The following IRF2 variants were observed in gnomAD, a reference collection of about 807,000 sequenced individuals.
The protein encoded by IRF2 is interferon regulatory factor 2.
IRF2 carries 15 observed loss-of-function variants against 40.6 expected under a neutral mutation model. That is an observed-to-expected ratio of 0.37 (90% CI 0.25 to 0.57). The LOEUF (loss-of-function observed/expected upper bound fraction) is 0.57. Ranked by LOEUF, IRF2 falls within the 20% of genes least tolerant of loss-of-function variation. The pLI, the probability that IRF2 is intolerant of heterozygous loss-of-function variation, is 0.77. For missense variants in IRF2, 317 were observed against 455.7 expected (o/e 0.70, Z 2.77); for synonymous variants, 151 against 165.5 (o/e 0.91, Z 0.67).
At chr4:184,429,173 TGGGGCTGGGGACCAG>T in intron 1 of IRF2, 103 bp from the exon 2 acceptor site, 1 of 549,490 alleles carries the variant, frequency 1.8e-6, no homozygotes, top group Non-Finnish European at 3.2e-6. Context: ...TCTCCTTTCC[TGGGGCTGGGGACCAG>T]GGGGCTGGGG....
At position 184,408,030 on chromosome 4, in the gene IRF2, C is replaced by T; in HGVS notation, c.529+128G>A. The T allele has an allele frequency of 1.7e-6, 1 of 596,688 alleles. No individual in the cohort carries two copies. The highest frequency in any genetic ancestry group is 3.0e-6 in the Non-Finnish European group (1 of 330,514). The allele number at this position is 596,688 out of a possible 1,614,324, so 37.0% of individuals were successfully genotyped here. On this transcript the variant is annotated intron_variant, in intron 6 of 8. Coordinates refer to ENST00000393593, the MANE Select transcript of IRF2 (RefSeq NM_002199.4). This position sits in a 1 kb window ranked among gnomAD's most constrained non-coding sequence, Gnocchi z 4.9. ...CAGCCTTGAAATCTGGGGGCTGGAA[C>T]TTGCATTCTGAGATGATTCCAAGAC...
rs113050537 is a variant in IRF2, at chr4:184,410,976, G to T, written c.412-2701C>A. Among the ~76,000 whole-genome samples the T allele has an allele frequency of 7.6e-4, 115 of 152,040 alleles. 1 individual carries two copies. Among genetic ancestry groups the T allele is most frequent in the African/African-American group, 2.7e-3 (111 of 41,478 alleles). On this transcript the variant is annotated intron_variant, in intron 5 of 8. Transcript: ENST00000393593. ...TATGGTTCAATTCCAGGAGCTTTCT[G>T]TCTTAAGAAGCCCTTGTATCCTGCC... is the stretch of plus-strand genomic sequence containing the variant.
At chr4:184,467,512 G>T (rs1739370421) in intron 1 of IRF2, among the ~76,000 whole-genome samples, 1 of 152,126 alleles carries the variant, frequency 6.6e-6, no homozygotes, top group Non-Finnish European at 1.5e-5. Flanking sequence ...AAGGACAAAA[G>T]AATTCTTTCA....
At chr4:184,400,315 C>A (rs1240146524) in intron 6 of IRF2, among the ~76,000 whole-genome samples, 1 of 152,200 alleles carries the variant, frequency 6.6e-6, no homozygotes, top group Non-Finnish European at 1.5e-5. Context: ...TGGACTCATA[C>A]AGTAGACTTT....
chr4:184,473,545 G>A (rs1388478546), intron 1 of IRF2, among the ~76,000 whole-genome samples: 1 of 147,810 alleles, frequency 6.8e-6, no homozygotes, highest in Admixed American at 6.7e-5. Context: ...TGGCCGGCGG[G>A]AAGGAGGACG....
In IRF2 at chr4:184,388,673, G is replaced by T; in HGVS notation, c.*85C>A. 7.5e-7 allele frequency: 1 copy of T among 1,338,002 alleles called. No individual in the cohort carries two copies. The highest frequency in any genetic ancestry group is 1.0e-6 in the Non-Finnish European group (1 of 963,826). 82.9% of individuals were successfully genotyped at this position (1,338,002 alleles called of 1,614,324 possible). On this transcript the variant is annotated 3_prime_UTR_variant, in exon 9 of 9. Transcript: ENST00000393593. This position sits in a 1 kb window ranked among gnomAD's most constrained non-coding sequence, Gnocchi z 4.6. Reference sequence around the variant, plus strand: ...TTTTCCCTTAGATTTGTCTAAAATAGGTGTCAGAGAGAAAAAAATAAAATA... The same window carrying T: ...TTTTCCCTTAGATTTGTCTAAAATATGTGTCAGAGAGAAAAAAATAAAATA...
intron 7 of IRF2, among the ~76,000 whole-genome samples, chr4:184,395,559 G>C (rs17075769): frequency 0.18 from 26,672 of 152,098 alleles, 2,565 homozygotes; most frequent in Non-Finnish European, 0.21. Context: ...CACGCAGAAA[G>C]CTGCCTTTCC....
At chr4:184,393,091 C>A (rs958120872) in intron 7 of IRF2, among the ~76,000 whole-genome samples, 5 of 152,160 alleles carry the variant, frequency 3.3e-5, no homozygotes, top group African/African-American at 1.2e-4. Flanking sequence ...GGCTCAGTAT[C>A]CTGAGGAGGC....
chr4:184,456,139 T>C (rs1738916452), intron 1 of IRF2, among the ~76,000 whole-genome samples: 1 of 152,210 alleles, frequency 6.6e-6, no homozygotes, highest in South Asian at 2.1e-4. Flanking sequence ...TCTGACACAC[T>C]GGGTTCGAGT....
At chr4:184,461,752 A>G (rs552012386) in intron 1 of IRF2, among the ~76,000 whole-genome samples, 179 of 151,484 alleles carry the variant, frequency 1.2e-3, no homozygotes, top group African/African-American at 4.1e-3. Context: ...GAAAAACAAA[A>G]ATCGCAATGC....
At chr4:184,398,529 G>A (rs1326295170) in intron 7 of IRF2, among the ~76,000 whole-genome samples, 5 of 151,820 alleles carry the variant, frequency 3.3e-5, no homozygotes, top group African/African-American at 9.7e-5. Context: ...GGTGGTGTGC[G>A]CCTGTAATCC....
chr4:184,399,275 C>T (rs1311409661), intron 6 of IRF2, among the ~76,000 whole-genome samples, 196 bp from the exon 7 acceptor site: 1 of 152,232 alleles, frequency 6.6e-6, no homozygotes, highest in Admixed American at 6.5e-5. Context: ...CCGGCCAGCA[C>T]TTGGCTCCCC....
At chr4:184,468,097 T>C (rs1424391539) in intron 1 of IRF2, among the ~76,000 whole-genome samples, 2 of 152,114 alleles carry the variant, frequency 1.3e-5, no homozygotes, top group Non-Finnish European at 2.9e-5. Flanking sequence ...TAAACCAAAA[T>C]AGAAACAAAA....
At chr4:184,411,967 T>C (rs1456242910) in intron 5 of IRF2, among the ~76,000 whole-genome samples, 1 of 147,324 alleles carries the variant, frequency 6.8e-6, no homozygotes, top group Non-Finnish European at 1.5e-5. Context: ...AACCCATAGC[T>C]TTCTTGGCTT....
intron 1 of IRF2, among the ~76,000 whole-genome samples, chr4:184,469,262 T>C (rs902434749): frequency 1.8e-4 from 28 of 152,300 alleles, no homozygotes; most frequent in African/African-American, 6.7e-4. Context: ...GGCCAGCCTG[T>C]CCAACACACC....
chr4:184,415,535 G>A (rs757457213), intron 5 of IRF2, among the ~76,000 whole-genome samples: 29 of 152,176 alleles, frequency 1.9e-4, no homozygotes, highest in Non-Finnish European at 4.0e-4. Flanking sequence ...ACATTTCCTC[G>A]CATTGCCACA....
chr4:184,466,175 C>T (rs546600061), intron 1 of IRF2, among the ~76,000 whole-genome samples: 2 of 151,996 alleles, frequency 1.3e-5, no homozygotes, highest in South Asian at 2.1e-4. Context: ...CTCAGCCTCC[C>T]GAGTAGCTGG....
intron 7 of IRF2, among the ~76,000 whole-genome samples, chr4:184,392,609 G>A (rs924657767): frequency 6.6e-6 from 1 of 152,226 alleles, no homozygotes; most frequent in African/African-American, 2.4e-5. Flanking sequence ...TGGCAGAGCT[G>A]GGATGAGATG....
chr4:184,420,121 G>A (rs1737429253), intron 2 of IRF2, among the ~76,000 whole-genome samples: 1 of 152,176 alleles, frequency 6.6e-6, no homozygotes, highest in Non-Finnish European at 1.5e-5. Context: ...GCCCACCTCA[G>A]GCTTCCAAAC....
Sources: allele counts gnomAD v4.1 joint callset (sites outside exome capture counted in the v4.1 genomes callset), GRCh38; gene constraint gnomAD v4.1.1; non-coding constraint Gnocchi (gnomAD v3.1); transcripts MANE v1.5; gene names NCBI Gene and HGNC (gene_info 2026-07-23, HGNC 2026-07-21).